GARNL3: variants seen among roughly 807,000 people sequenced by gnomAD.
GARNL3 encodes GTPase activating Rap/RanGAP domain like 3.
In GARNL3, 63 loss-of-function variants were observed where a neutral mutation model predicts 125.0. That is an observed-to-expected ratio of 0.50 (90% CI 0.41 to 0.62). The LOEUF (loss-of-function observed/expected upper bound fraction) is 0.62. Ranked by LOEUF, GARNL3 falls within the 20% of genes least tolerant of loss-of-function variation. The probability of loss-of-function intolerance (pLI) is 0.00; values close to 1 mark genes in which losing one functional copy is unlikely to be tolerated. For missense variants in GARNL3, 994 were observed against 1,244.0 expected, an observed-to-expected ratio of 0.80 and a Z score of 3.02; for synonymous variants, 439 against 457.5, an observed-to-expected ratio of 0.96 and a Z score of 0.52.
chr9:127,237,521 A>C (rs534832266), intron 1 of GARNL3, among the ~76,000 whole-genome samples: 53 of 152,372 alleles, frequency 3.5e-4, no homozygotes, highest in Middle Eastern at 3.4e-3. Context: ...AGGGGACTGA[A>C]GTGGGTATTG....
chr9:127,378,199 G>A (rs988315018), intron 22 of GARNL3, among the ~76,000 whole-genome samples: 10 of 147,958 alleles, frequency 6.8e-5, no homozygotes, highest in South Asian at 2.1e-4. Context: ...CAAGATTCTC[G>A]TGCCACTGCA....
chr9:127,360,188 A>C (rs571221820), intron 21 of GARNL3, among the ~76,000 whole-genome samples: 1 of 152,112 alleles, frequency 6.6e-6, no homozygotes, highest in African/African-American at 2.4e-5. Flanking sequence ...ATGCCCAGCT[A>C]ATTTTTGTAT....
intron 21 of GARNL3, chr9:127,365,079 G>C (rs935876362): frequency 2.0e-6 from 1 of 494,134 alleles, no homozygotes; most frequent in Non-Finnish European, 3.6e-6. Flanking sequence ...AAAGAATGGA[G>C]AGACTTTTCT....
At chr9:127,332,130 A>G (rs112573262) in intron 7 of GARNL3, 144 bp from the exon 8 acceptor site, 29 of 669,534 alleles carry the variant, frequency 4.3e-5, no homozygotes, top group African/African-American at 3.0e-4. Context: ...ACATTGGTCA[A>G]TAACCCAGAT....
intron 1 of GARNL3, among the ~76,000 whole-genome samples, chr9:127,237,077 G>T (rs949674311): frequency 6.6e-6 from 1 of 152,172 alleles, no homozygotes; most frequent in Non-Finnish European, 1.5e-5. Context: ...AATTAAGTGT[G>T]TACAAGTTTG....
At chr9:127,295,624 A>G (rs781583683) in intron 2 of GARNL3, among the ~76,000 whole-genome samples, 1 of 152,026 alleles carries the variant, frequency 6.6e-6, no homozygotes, top group Non-Finnish European at 1.5e-5. Context: ...CCTACATTCC[A>G]CATTTCTTAC....
rs1424600665 is a variant in GARNL3, at chr9:127,280,287, T to C, written c.145-10881T>C. On this transcript the variant is annotated intron_variant, in intron 1 of 27. Transcript: ENST00000373387. The surrounding 1 kb of genome is among the most constrained non-coding windows in gnomAD (Gnocchi z 4.5). ...CTCCCTACCTGGGGCACTTGGTTTA[T>C]GAGGACCACATTCTCTAAGATGGAC... Among the ~76,000 whole-genome samples, 1 of 152,202 alleles carries C rather than the reference T, an allele frequency of 6.6e-6. No homozygotes were observed. The highest frequency in any genetic ancestry group is 1.5e-5 in the Non-Finnish European group (1 of 68,028).
upstream of GARNL3, chr9:127,263,964 G>A (rs1481235640): frequency 6.5e-7 from 1 of 1,527,448 alleles, no homozygotes; most frequent in East Asian, 2.5e-5. Context: ...CTGTAATTTA[G>A]AAAATGCAAC....
At chr9:127,358,356 G>T (rs1484957907) in intron 21 of GARNL3, among the ~76,000 whole-genome samples, 4 of 152,202 alleles carry the variant, frequency 2.6e-5, no homozygotes, top group African/African-American at 9.6e-5. Context: ...CAGTATTCTG[G>T]CCTAGGTACT....
Position 127,333,135 on chromosome 9 carries a change from T to C in GARNL3, c.769+14T>C, listed in dbSNP as rs539212143. On this transcript the variant is annotated intron_variant, in intron 9 of 27. Coordinates refer to ENST00000373387, the MANE Select transcript of GARNL3 (RefSeq NM_032293.5). ...TGGATACCAAAAGTAAGCCTGCCTC[T>C]TGATCTATTCTGTTGTAATTTGTAT... 1 of 1,592,164 alleles carries C rather than the reference T, an allele frequency of 6.3e-7. No individual in the cohort carries two copies. Among genetic ancestry groups the C allele is most frequent in the African/African-American group, 1.3e-5 (1 of 74,648 alleles).
At chr9:127,301,130 T>C (rs2064772037) in intron 2 of GARNL3, 1 of 156,730 alleles carries the variant, frequency 6.4e-6, no homozygotes, top group African/African-American at 2.4e-5. Context: ...CATCTGTTGT[T>C]TTCCTCCTAA....
chr9:127,252,452 G>A (rs778328180), intron 2 of GARNL3, among the ~76,000 whole-genome samples: 43 of 152,024 alleles, frequency 2.8e-4, no homozygotes, highest in Admixed American at 1.3e-4. Context: ...TGCTTCATAC[G>A]TCTTTTTTCA....
At chr9:127,248,467 G>A (rs577031928) in intron 2 of GARNL3, among the ~76,000 whole-genome samples, 2 of 152,256 alleles carry the variant, frequency 1.3e-5, no homozygotes, top group East Asian at 3.9e-4. Flanking sequence ...CTCTCCCACA[G>A]GAGGGTTGCC....
At chr9:127,278,305 C>G (rs968207320) in intron 1 of GARNL3, among the ~76,000 whole-genome samples, 2 of 152,146 alleles carry the variant, frequency 1.3e-5, no homozygotes, top group Non-Finnish European at 2.9e-5. Flanking sequence ...GGCTTCTTTA[C>G]TTAAAAACAA....
At chr9:127,351,678 G>A (rs973649726) in intron 17 of GARNL3, among the ~76,000 whole-genome samples, 7 of 152,146 alleles carry the variant, frequency 4.6e-5, no homozygotes, top group African/African-American at 1.7e-4. Context: ...TTCATTAGAT[G>A]TATCCCTTGA....
intron 19 of GARNL3, 50 bp from the exon 20 acceptor site, chr9:127,355,246 GC>G: frequency 6.6e-7 from 1 of 1,520,452 alleles, no homozygotes; most frequent in Admixed American, 1.7e-5. Flanking sequence ...AGGTCTGGGG[GC>G]TTCCACACCC....
At chr9:127,381,327 C>G (rs1832243681) in intron 22 of GARNL3, among the ~76,000 whole-genome samples, 1 of 152,158 alleles carries the variant, frequency 6.6e-6, no homozygotes, top group Non-Finnish European at 1.5e-5. Context: ...CAACAAAACT[C>G]TATATCTACA....
At chr9:127,283,260 T>C (rs1413874563) in intron 1 of GARNL3, among the ~76,000 whole-genome samples, 1 of 152,206 alleles carries the variant, frequency 6.6e-6, no homozygotes, top group Non-Finnish European at 1.5e-5. Context: ...AATAGAACTT[T>C]CTACAATTAT....
intron 2 of GARNL3, among the ~76,000 whole-genome samples, chr9:127,297,382 G>A (rs577238156): frequency 2.0e-5 from 3 of 152,094 alleles, no homozygotes; most frequent in Non-Finnish European, 4.4e-5. Flanking sequence ...CAAGTAATTC[G>A]CCCACCTCAG....
Sources: gnomAD v4.1 joint callset for allele counts (sites outside exome capture counted in the v4.1 genomes callset) on GRCh38, gnomAD v4.1.1 for gene constraint, Gnocchi (gnomAD v3.1) non-coding constraint, MANE v1.5 for transcripts, NCBI Gene and HGNC (gene_info 2026-07-23, HGNC 2026-07-21) for gene names.